Variants in KLRD1 observed in about 807,000 individuals in gnomAD.
KLRD1 encodes the protein natural killer cells antigen CD94.
Under a neutral mutation model 22.6 loss-of-function variants are expected in KLRD1, and 21 were observed. The ratio of observed to expected loss-of-function variants is 0.93; its 90% CI spans 0.66 to 1.34. KLRD1 has a LOEUF of 1.34. Among genes scored for constraint, KLRD1 ranks in the 40% most tolerant of loss-of-function variants. KLRD1 has a pLI of 0.00. For synonymous variants in KLRD1, 59 were observed against 71.1 expected, an observed-to-expected ratio of 0.83 and a Z score of 0.85; for missense variants, 183 against 208.6, an observed-to-expected ratio of 0.88 and a Z score of 0.76.
At chr12:10,261,824 A>G (rs1949456831) in intron 1 of KLRD1, among the ~76,000 whole-genome samples, 1 of 152,130 alleles carries the variant, frequency 6.6e-6, no homozygotes, top group African/African-American at 2.4e-5. Context: ...TACTTGTATC[A>G]TAAGATTAAT....
Position 10,328,884 on chromosome 12 carries a change from CAA to C in KLRD1, c.*14092_*14093del, listed in dbSNP as rs954455238. On this transcript the variant is annotated 3_prime_UTR_variant, in exon 6 of 6. Transcript: ENST00000336164. ...AACACATGTCTCACATGGCGGCAGA[CAA>C]GAGAGAATGAAAGCCAAGCCAAAGG... The C allele has an allele frequency of 1.1e-4, 16 of 152,312 alleles. No homozygotes were observed. The highest frequency in any genetic ancestry group is 3.1e-4 in the African/African-American group (13 of 41,546). 9.4% of individuals were successfully genotyped at this position (152,312 alleles called of 1,614,324 possible).
intron 1 of KLRD1, among the ~76,000 whole-genome samples, chr12:10,289,407 C>T (rs2137664989): frequency 6.6e-6 from 1 of 152,322 alleles, no homozygotes; most frequent in African/African-American, 2.4e-5. Context: ...ATGTTTTCTC[C>T]ATTCTGGCTT....
upstream of KLRD1, among the ~76,000 whole-genome samples, chr12:10,306,398 G>A (rs377610629): frequency 5.3e-5 from 8 of 152,148 alleles, no homozygotes; most frequent in East Asian, 5.8e-4. Flanking sequence ...ACTGATGGAC[G>A]TATTCTCACC....
chr12:10,243,636 G>GAAAAAAAAAA (rs1949263487), intron 1 of KLRD1, among the ~76,000 whole-genome samples: 1 of 124,428 alleles, frequency 8.0e-6, no homozygotes, highest in African/African-American at 3.1e-5. Flanking sequence ...AAAAAAAACC[G>GAAAAAAAAAA]AAATGAAAGA....
At chr12:10,266,185 C>T (rs1949497005) in intron 1 of KLRD1, among the ~76,000 whole-genome samples, 1 of 152,070 alleles carries the variant, frequency 6.6e-6, no homozygotes, top group South Asian at 2.1e-4. Flanking sequence ...TAAATTTATA[C>T]ATGTGTATGT....
intron 1 of KLRD1, among the ~76,000 whole-genome samples, chr12:10,293,728 G>A (rs1460373481): frequency 6.6e-6 from 1 of 152,148 alleles, no homozygotes; most frequent in Non-Finnish European, 1.5e-5. Flanking sequence ...CTTGCTAGAG[G>A]TAGGGTTGCC....
intron 1 of KLRD1, among the ~76,000 whole-genome samples, chr12:10,273,929 T>TA (rs1310210599): frequency 2.6e-5 from 4 of 152,192 alleles, no homozygotes; most frequent in African/African-American, 9.6e-5. Context: ...ACAGTAAAGG[T>TA]AAACTCTGTA....
Position 10,321,881 on chromosome 12 carries a change from G to A in KLRD1, c.*7088G>A, listed in dbSNP as rs1950315111. ...TACATTTTTACTGCAACCTCATGAG[G>A]GATCCTGAGCTAGAACCACCTAGCA... On this transcript the variant is annotated 3_prime_UTR_variant, in exon 6 of 6. Coordinates refer to ENST00000336164, the MANE Select transcript of KLRD1 (RefSeq NM_002262.5). The A allele has an allele frequency of 6.6e-6, 1 of 152,060 alleles. No homozygotes were observed. The allele number at this position is 152,060 out of a possible 1,614,324, so 9.4% of individuals were successfully genotyped here. A position where few individuals can be genotyped will look rare whatever the true frequency, so the allele number is the denominator to read the frequency against.
At chr12:10,308,191 G>C in intron 1 of KLRD1, 107 bp downstream of exon 1, 1 of 932,538 alleles carries the variant, frequency 1.1e-6, no homozygotes, top group East Asian at 2.4e-5. Flanking sequence ...ATTAACAGTG[G>C]ATGTTTTTAG....
chr12:10,290,717 C>T (rs538094096), intron 1 of KLRD1, among the ~76,000 whole-genome samples: 4 of 152,150 alleles, frequency 2.6e-5, no homozygotes, highest in South Asian at 2.1e-4. Context: ...TCTTTAATAA[C>T]CATGCTGCAG....
At chr12:10,298,418 A>G (rs1949839680) in intron 1 of KLRD1, among the ~76,000 whole-genome samples, 1 of 152,254 alleles carries the variant, frequency 6.6e-6, no homozygotes. Context: ...TGCTTTAAAA[A>G]TCCATAGTAC....
chr12:10,280,813 A>T (rs1949633786), intron 1 of KLRD1, among the ~76,000 whole-genome samples: 1 of 152,138 alleles, frequency 6.6e-6, no homozygotes, highest in Non-Finnish European at 1.5e-5. Context: ...GGTGTTGAGA[A>T]TCCTGCCCCC....
intron 1 of KLRD1, among the ~76,000 whole-genome samples, chr12:10,252,362 G>T (rs1949353628): frequency 6.6e-6 from 1 of 152,004 alleles, no homozygotes; most frequent in Non-Finnish European, 1.5e-5. Flanking sequence ...AACTTAGCTG[G>T]GCGTGGCGAT....
At chr12:10,289,036 G>A (rs186093740) in intron 1 of KLRD1, among the ~76,000 whole-genome samples, 35 of 152,174 alleles carry the variant, frequency 2.3e-4, no homozygotes, top group East Asian at 7.7e-4. Context: ...AAGTTCCATC[G>A]GCAGATACTG....
intron 1 of KLRD1, among the ~76,000 whole-genome samples, chr12:10,287,188 T>C (rs1043523510): frequency 6.6e-6 from 1 of 152,124 alleles, no homozygotes; most frequent in Admixed American, 6.6e-5. Flanking sequence ...TTGTGTTTTT[T>C]TGATGATTAA....
At position 10,311,615 on chromosome 12, in the gene KLRD1, G is replaced by A. The variant is rs186110320; in HGVS notation, c.315G>A (p.Leu105=). The A allele has an allele frequency of 2.9e-5, 47 of 1,613,372 alleles. No individual in the cohort carries two copies. Among genetic ancestry groups the A allele is most frequent in the Non-Finnish European group, 3.8e-5 (45 of 1,179,484 alleles). ...SLLQLQNTDE[L]DFMSSSQQFY... is the part of the protein sequence containing the mutation. ...TTCAGCTTCAAAACACAGATGAACT[G>A]GCATGTGCTGAGTCTGATTTTCTAC... Residue 105 remains leucine, a splice_region_variant and synonymous_variant, in exon 4 of 6, where the codon CTG becomes CTA. Transcript: ENST00000336164.
intron 1 of KLRD1, among the ~76,000 whole-genome samples, chr12:10,256,828 G>A (rs906358813): frequency 2.0e-5 from 3 of 151,770 alleles, no homozygotes; most frequent in Non-Finnish European, 4.4e-5. Flanking sequence ...ATGAATTATT[G>A]TCTTGCATCC....
intron 1 of KLRD1, among the ~76,000 whole-genome samples, chr12:10,267,636 A>G (rs937122175): frequency 2.6e-5 from 4 of 152,226 alleles, no homozygotes; most frequent in African/African-American, 7.2e-5. Flanking sequence ...AATTTGGCGT[A>G]ATTATAAGAG....
At position 10,322,588 on chromosome 12, in the gene KLRD1, GACC is replaced by G. The variant is rs1264046737; in HGVS notation, c.*7796_*7798del. The G allele has an allele frequency of 6.6e-6, 1 of 151,952 alleles. No homozygotes were observed. Among genetic ancestry groups the G allele is most frequent in the Admixed American group, 6.6e-5 (1 of 15,250 alleles). 9.4% of individuals were successfully genotyped at this position (151,952 alleles called of 1,614,324 possible). On this transcript the variant is annotated 3_prime_UTR_variant, in exon 6 of 6. Coordinates refer to ENST00000336164, the MANE Select transcript of KLRD1 (RefSeq NM_002262.5). ...TGTTGTTTGGACTGGCACCTTACTA[GACC>G]TGCTCCACAAACTGCCGTCATGAAA...
Sources: allele counts gnomAD v4.1 joint callset (sites outside exome capture counted in the v4.1 genomes callset), GRCh38; gene constraint gnomAD v4.1.1; transcripts MANE v1.5; gene names NCBI Gene and HGNC (gene_info 2026-07-23, HGNC 2026-07-21).